The following CMPK1 variants were observed in gnomAD, a reference collection of about 807,000 sequenced individuals.
CMPK1 encodes UMP-CMP kinase.
Under a neutral mutation model 25.7 loss-of-function variants are expected in CMPK1, and 10 were observed. The observed-to-expected ratio is 0.39, with a 90% CI of 0.24 to 0.66. The LOEUF (loss-of-function observed/expected upper bound fraction) is 0.66, where lower values mean the gene tolerates loss of function less well. Among genes scored for constraint, CMPK1 ranks in the 30% least tolerant of loss-of-function variants. CMPK1 has a pLI of 0.48. For synonymous variants in CMPK1, 106 were observed against 101.5 expected, an observed-to-expected ratio of 1.04 and a Z score of -0.27; for missense variants, 199 against 280.5, an observed-to-expected ratio of 0.71 and a Z score of 2.08.
intron 1 of CMPK1, among the ~76,000 whole-genome samples, chr1:47,352,811 T>C (rs976076901): frequency 6.6e-6 from 1 of 152,168 alleles, no homozygotes; most frequent in African/African-American, 2.4e-5. Flanking sequence ...TGGGTACAGT[T>C]ATTTATGGTC....
At chr1:47,334,348 T>C (rs1162967012) in intron 1 of CMPK1, among the ~76,000 whole-genome samples, 2 of 152,114 alleles carry the variant, frequency 1.3e-5, no homozygotes, top group African/African-American at 4.8e-5. Context: ...GCTTTGTTCC[T>C]GCGCCCCTTC....
chr1:47,350,593 T>C (rs1481409438), intron 1 of CMPK1, among the ~76,000 whole-genome samples: 1 of 151,980 alleles, frequency 6.6e-6, no homozygotes, highest in African/African-American at 2.4e-5. Context: ...GCGTACATTA[T>C]AGAAAAATTG....
intron 2 of CMPK1, among the ~76,000 whole-genome samples, chr1:47,368,860 CAG>C (rs1646657744): frequency 6.6e-6 from 1 of 152,148 alleles, no homozygotes; most frequent in Non-Finnish European, 1.5e-5. Flanking sequence ...GCTTGTGAGA[CAG>C]AGGCAGAAGG....
chr1:47,378,353 A>C lies in CMPK1; in HGVS notation c.*1608A>C, dbSNP rs1486780010. 2 of 152,236 alleles carry C rather than the reference A, an allele frequency of 1.3e-5. No individual in the cohort carries two copies. Among genetic ancestry groups the C allele is most frequent in the African/African-American group, 4.8e-5 (2 of 41,462 alleles). The allele number at this position is 152,236 out of a possible 1,614,324, so 9.4% of individuals were successfully genotyped here. A position where few individuals can be genotyped will look rare whatever the true frequency, so the allele number is the denominator to read the frequency against. On this transcript the variant is annotated 3_prime_UTR_variant, in exon 6 of 6. Coordinates refer to ENST00000371873, the MANE Select transcript of CMPK1 (RefSeq NM_016308.3). ...AAATACAGAGGTGGTTTAATCAAACAGCTCTAGTATGAAGCAAGAGTAAAG... is the reference window on the plus strand; with the variant it reads ...AAATACAGAGGTGGTTTAATCAAACCGCTCTAGTATGAAGCAAGAGTAAAG...
chr1:47,370,782 C>CA (rs60407679), intron 2 of CMPK1, among the ~76,000 whole-genome samples: 48,240 of 116,260 alleles, frequency 0.41, 11,318 homozygotes, highest in Non-Finnish European at 0.54. Context: ...ACTAAAAATA[C>CA]AAAAAAAAAA....
chr1:47,367,264 T>G (rs995156084), intron 1 of CMPK1, among the ~76,000 whole-genome samples: 14 of 152,226 alleles, frequency 9.2e-5, no homozygotes, highest in Admixed American at 2.0e-4. Context: ...TACTCAATTA[T>G]AGTCAGCAAA....
rs116267386 is a variant in CMPK1 at position 47,350,174 on chromosome 1, A to G, written c.171+16058A>G. Among the ~76,000 whole-genome samples, 789 of 152,198 alleles carry G rather than the reference A, an allele frequency of 5.2e-3. 7 individuals are homozygous for G. The highest frequency in any genetic ancestry group is 0.018 in the African/African-American group (752 of 41,544). ...GGATGGTCTCGAACTACTGGGTTCA[A>G]ACAGTCTGCCTGCCTCAGCCTCCCA... is the stretch of plus-strand genomic sequence containing the variant. On this transcript the variant is annotated intron_variant, in intron 1 of 5. Transcript: ENST00000371873.
chr1:47,378,493 G>A lies in CMPK1; in HGVS notation c.*1748G>A, dbSNP rs1189175653. The A allele has an allele frequency of 6.6e-6, 1 of 152,202 alleles. No individual in the cohort carries two copies. The highest frequency in any genetic ancestry group is 6.5e-5 in the Admixed American group (1 of 15,276). The allele number at this position is 152,202 out of a possible 1,614,324, so 9.4% of individuals were successfully genotyped here. A position where few individuals can be genotyped will look rare whatever the true frequency, so the allele number is the denominator to read the frequency against. On this transcript the variant is annotated 3_prime_UTR_variant, in exon 6 of 6. Coordinates refer to ENST00000371873, the MANE Select transcript of CMPK1 (RefSeq NM_016308.3). ...CCTTAAAGTTTTGAAGAAGACTGAT[G>A]AGACTAGGTGCTTTGCTTCCTTTCA... is the stretch of plus-strand genomic sequence containing the variant.
intron 1 of CMPK1, among the ~76,000 whole-genome samples, chr1:47,347,233 A>G (rs918421857): frequency 1.2e-4 from 16 of 133,142 alleles, no homozygotes; most frequent in Non-Finnish European, 6.1e-5. Flanking sequence ...TCATTCTCTC[A>G]TTCATTCACT....
intron 1 of CMPK1, among the ~76,000 whole-genome samples, chr1:47,345,373 A>C (rs1028729819): frequency 3.5e-4 from 54 of 152,170 alleles, no homozygotes; most frequent in African/African-American, 1.2e-3. Context: ...AGCTATATTA[A>C]GTAAGTAATT....
Position 47,334,798 on chromosome 1 carries a change from C to G in CMPK1, c.171+682C>G, listed in dbSNP as rs989719166. Among the ~76,000 whole-genome samples the G allele has an allele frequency of 2.6e-5, 4 of 152,218 alleles. No individual in the cohort carries two copies. The East Asian group carries it at 7.7e-4, about 29-fold the overall frequency. On this transcript the variant is annotated intron_variant, in intron 1 of 5. Coordinates refer to ENST00000371873, the MANE Select transcript of CMPK1 (RefSeq NM_016308.3). ...CAAGCTTCAACCTTTGGCCCTGCTG[C>G]CAACTCACGCTCGGCCCTCGGTCAC...
At chr1:47,353,583 T>G (rs564506143) in intron 1 of CMPK1, among the ~76,000 whole-genome samples, 7 of 152,374 alleles carry the variant, frequency 4.6e-5, no homozygotes, top group South Asian at 2.1e-4. Flanking sequence ...TGTTTCCCTT[T>G]TTTTTAATAC....
At chr1:47,363,866 C>T (rs1457329024) in intron 1 of CMPK1, among the ~76,000 whole-genome samples, 2 of 152,124 alleles carry the variant, frequency 1.3e-5, no homozygotes, top group Admixed American at 6.6e-5. Flanking sequence ...TCGCTTGAAC[C>T]TGGGAGGCAG....
At chr1:47,339,725 T>TTA (rs1194713784) in intron 1 of CMPK1, among the ~76,000 whole-genome samples, 13 of 138,898 alleles carry the variant, frequency 9.4e-5, no homozygotes, top group South Asian at 2.3e-4. Context: ...TTTTTTTTTT[T>TTA]AAGACAGAGC....
chr1:47,364,322 TTTTGTTTG>T (rs142647386), intron 1 of CMPK1, among the ~76,000 whole-genome samples: 1 of 152,038 alleles, frequency 6.6e-6, no homozygotes, highest in Non-Finnish European at 1.5e-5. Context: ...GGTTTGGTTT[TTTTGTTTG>T]TTTGTTTGAG....
intron 1 of CMPK1, among the ~76,000 whole-genome samples, chr1:47,365,588 C>T (rs1408612566): frequency 2.8e-5 from 4 of 143,612 alleles, no homozygotes; most frequent in Admixed American, 7.2e-5. Flanking sequence ...GAGCTGAGAT[C>T]GTGCCACTGC....
intron 1 of CMPK1, among the ~76,000 whole-genome samples, chr1:47,356,641 C>T (rs968493619): frequency 2.0e-5 from 3 of 152,046 alleles, no homozygotes; most frequent in Admixed American, 6.6e-5. Context: ...ATGAATTTTT[C>T]TATCTAGTAA....
chr1:47,333,997 C>CT lies in CMPK1; in HGVS notation c.53dup (p.Leu19AlafsTer54), dbSNP rs776752007. 3.2e-6 allele frequency: 5 copies of CT among 1,542,644 alleles called. No individual in the cohort carries two copies. The East Asian group carries it at 1.0e-4, about 31-fold the overall frequency. On this transcript the variant is annotated frameshift_variant, in exon 1 of 6. Transcript: ENST00000371873. LOFTEE classifies it high-confidence loss of function. Reference sequence around the variant, plus strand: ...GCTCCACGTCCTGGGCCTTAGCTTCCTGCTGCAGACCCGCCGGCCGATTCT... The same window carrying CT: ...GCTCCACGTCCTGGGCCTTAGCTTCCTTGCTGCAGACCCGCCGGCCGATTCT...
At chr1:47,345,962 T>G (rs569111273) in intron 1 of CMPK1, among the ~76,000 whole-genome samples, 4 of 151,804 alleles carry the variant, frequency 2.6e-5, no homozygotes, top group Non-Finnish European at 4.4e-5. Flanking sequence ...ACCATGTTGG[T>G]TGGACTCCTG....
Sources: allele counts gnomAD v4.1 joint callset (sites outside exome capture counted in the v4.1 genomes callset), GRCh38; gene constraint gnomAD v4.1.1; transcripts MANE v1.5; gene names NCBI Gene and HGNC (gene_info 2026-07-23, HGNC 2026-07-21).